Variants in SF3A1 observed in about 807,000 individuals in gnomAD.
SF3A1 encodes splicing factor 3a subunit 1.
In SF3A1, 13 loss-of-function variants were observed where a neutral mutation model predicts 89.9. The observed-to-expected ratio is 0.14, with a 90% CI of 0.09 to 0.23. The LOEUF is 0.23. Among genes scored for constraint, SF3A1 ranks in the 10% least tolerant of loss-of-function variants. SF3A1 has a pLI of 1.00. For missense variants in SF3A1, 604 were observed against 1,022.1 expected (o/e 0.59, Z 5.58); for synonymous variants, 405 against 374.4 (o/e 1.08, Z -0.94).
At position 30,345,128 on chromosome 22, in the gene SF3A1, G is replaced by A. The variant is rs773771744; in HGVS notation, c.456C>T (p.Phe152=). 7.4e-6 allele frequency: 12 copies of A among 1,614,066 alleles called. No homozygotes were observed. The highest frequency in any genetic ancestry group is 1.1e-5 in the South Asian group (1 of 91,092). Residue 152 remains phenylalanine (F), a synonymous_variant, in exon 4 of 16, where the codon TTC becomes TTT. Transcript: ENST00000215793. ...CTGAGATAGAGGGAGGATCAGCAAT[G>A]AACTCAAACTCAGGAGGAGGCTCTT... ...VPKEPPPEFE[F]IADPPSISAF... is the part of the protein sequence containing the mutation.
chr22:30,342,505 G>C, intron 5 of SF3A1, 155 bp from the exon 6 acceptor site: 1 of 821,870 alleles, frequency 1.2e-6, no homozygotes, highest in South Asian at 1.8e-5. Context: ...GTTCCACCCA[G>C]GTGCAGAGTT....
In SF3A1 at chr22:30,356,879, G is replaced by A. The variant is rs758419815; in HGVS notation, c.-87C>T. On this transcript the variant is annotated 5_prime_UTR_variant, in exon 1 of 16. Transcript: ENST00000215793. ...AGCCTCCCCGCTCGGTCAGTACGAC[G>A]AGCTCGCAAGATGGCGGCGGCCGAG... The A allele has an allele frequency of 2.5e-5, 28 of 1,133,192 alleles. No homozygotes were observed. The highest frequency in any genetic ancestry group is 2.9e-5 in the Non-Finnish European group (26 of 888,978). 70.2% of individuals were successfully genotyped at this position (1,133,192 alleles called of 1,614,324 possible).
intron 2 of SF3A1, among the ~76,000 whole-genome samples, chr22:30,348,537 A>C (rs1240112754): frequency 6.6e-6 from 1 of 152,192 alleles, no homozygotes; most frequent in African/African-American, 2.4e-5. Flanking sequence ...GGGTACAGGC[A>C]GTGCTGTGCC....
chr22:30,353,604 T>A (rs1344320735), intron 1 of SF3A1, among the ~76,000 whole-genome samples: 1 of 152,218 alleles, frequency 6.6e-6, no homozygotes, highest in Non-Finnish European at 1.5e-5. Flanking sequence ...TTTGTTCTGT[T>A]AGCTGATGTA....
At chr22:30,340,053 TG>T in intron 9 of SF3A1, 142 bp downstream of exon 9, 1 of 641,838 alleles carries the variant, frequency 1.6e-6, no homozygotes, top group Non-Finnish European at 2.4e-6. Flanking sequence ...TTCTGGAAAG[TG>T]GGGAGTTCTC....
At position 30,354,851 on chromosome 22, in the gene SF3A1, G is replaced by A. The variant is rs150932804; in HGVS notation, c.64-1779C>T. ...AGGTAGGAAGATTGCTTGAGCCCAA[G>A]AATTCAAGGCTGCAGTAAGCTATGA... On this transcript the variant is annotated intron_variant, in intron 1 of 15. Coordinates refer to ENST00000215793, the MANE Select transcript of SF3A1 (RefSeq NM_005877.6). Among the ~76,000 whole-genome samples, 32 of 152,276 alleles carry A rather than the reference G, an allele frequency of 2.1e-4. 1 individual carries two copies. The East Asian group carries it at 5.4e-3, about 26-fold the overall frequency.
chr22:30,356,664 C>T, intron 1 of SF3A1, 66 bp downstream of exon 1: 3 of 1,260,808 alleles, frequency 2.4e-6, no homozygotes, highest in Non-Finnish European at 3.2e-6. Flanking sequence ...GCCGCTTATT[C>T]CTGTGCGAGT....
Position 30,334,621 on chromosome 22 carries a change from G to C in SF3A1, c.2355C>G (p.Leu785=). The change falls in exon 16 of 16, where the codon CTC becomes CTG. Residue 785 remains leucine (L), a synonymous_variant. Coordinates refer to ENST00000215793, the MANE Select transcript of SF3A1 (RefSeq NM_005877.6). ...ACTTCTTCCTCCCGCCTCTCTCCTT[G>C]AGGGCCAGGTGGATGACTGCGCCAT... ...MANGAVIHLA[L]KERGGRKK The C allele has an allele frequency of 6.4e-7, 1 of 1,574,564 alleles. No individual in the cohort carries two copies. The highest frequency in any genetic ancestry group is 8.6e-7 in the Non-Finnish European group (1 of 1,166,000).
rs747376915 is a variant in SF3A1 at position 30,340,735 on chromosome 22, A to G, written c.1149T>C (p.Thr383=). 3.1e-6 allele frequency: 5 copies of G among 1,595,476 alleles called. No homozygotes were observed. In the Admixed American group the frequency reaches 8.5e-5, roughly 27 times the overall value. ...ETPMPPPLPP[T]PDQVIVRKDY... ...CCTTGCGGACAATGACTTGGTCTGG[A>G]GTTGGGGGCAGAGGTGGAGGCATGG... is the stretch of plus-strand genomic sequence containing the variant. The change falls in exon 8 of 16, where the codon ACT becomes ACC. Residue 383 remains threonine (T), a synonymous_variant. Coordinates refer to ENST00000215793, the MANE Select transcript of SF3A1 (RefSeq NM_005877.6).
intron 1 of SF3A1, 118 bp downstream of exon 1, chr22:30,356,612 C>A: frequency 1.3e-6 from 1 of 759,580 alleles, no homozygotes; most frequent in Non-Finnish European, 1.9e-6. Context: ...AGCGCGCAGC[C>A]TCTTGGGACT....
chr22:30,352,170 T>G (rs779611427), intron 2 of SF3A1, among the ~76,000 whole-genome samples: 9 of 144,106 alleles, frequency 6.2e-5, no homozygotes, highest in Non-Finnish European at 1.0e-4. Context: ...CAATGCCCAT[T>G]CCATCTGAGA....
At chr22:30,344,847 T>C (rs1207986078) in intron 4 of SF3A1, 86 bp downstream of exon 4, 16 of 1,485,538 alleles carry the variant, frequency 1.1e-5, no homozygotes, top group Middle Eastern at 2.2e-4. Flanking sequence ...GATGTCCTTG[T>C]AGACAGTGAG....
chr22:30,336,935 G>C, intron 13 of SF3A1, 91 bp downstream of exon 13: 1 of 1,481,224 alleles, frequency 6.8e-7, no homozygotes, highest in Non-Finnish European at 9.4e-7. Flanking sequence ...CCAAGACTGG[G>C]AGTGAAATAG....
chr22:30,355,721 C>G (rs1488581443), intron 1 of SF3A1, among the ~76,000 whole-genome samples: 1 of 151,968 alleles, frequency 6.6e-6, no homozygotes, highest in African/African-American at 2.4e-5. Context: ...TATTATCTGG[C>G]TATTACCTTA....
Position 30,356,847 on chromosome 22 carries a change from T to TCAAGACAGCCTCCC in SF3A1, c.-69_-56dup, listed in dbSNP as rs1023869863. The TCAAGACAGCCTCCC allele has an allele frequency of 7.9e-7, 1 of 1,270,890 alleles. No homozygotes were observed. Among genetic ancestry groups the TCAAGACAGCCTCCC allele is most frequent in the African/African-American group, 1.6e-5 (1 of 64,472 alleles). The allele number at this position is 1,270,890 out of a possible 1,614,324, so 78.7% of individuals were successfully genotyped here. On this transcript the variant is annotated 5_prime_UTR_variant, in exon 1 of 16. Transcript: ENST00000215793. ...CTCGGTGTCGGTGAGCGGTGCCGCC[T>TCAAGACAGCCTCCC]CAAGACAGCCTCCCCGCTCGGTCAG...
At chr22:30,346,136 C>A (rs5749071) in intron 3 of SF3A1, 176 bp downstream of exon 3, 33,305 of 601,904 alleles carry the variant, frequency 0.055, 1,247 homozygotes, top group East Asian at 0.15. Context: ...TCGGGAAATG[C>A]CAACTAACAT....
At position 30,356,881 on chromosome 22, in the gene SF3A1, G is replaced by A. The variant is rs1048216313; in HGVS notation, c.-89C>T. ...CCTCCCCGCTCGGTCAGTACGACGA[G>A]CTCGCAAGATGGCGGCGGCCGAGCG... On this transcript the variant is annotated 5_prime_UTR_variant, in exon 1 of 16. Coordinates refer to ENST00000215793, the MANE Select transcript of SF3A1 (RefSeq NM_005877.6). 15 of 1,134,484 alleles carry A rather than the reference G, an allele frequency of 1.3e-5. No homozygotes were observed. The highest frequency in any genetic ancestry group is 1.6e-5 in the African/African-American group (1 of 62,312). The allele number at this position is 1,134,484 out of a possible 1,614,324, so 70.3% of individuals were successfully genotyped here.
intron 2 of SF3A1, among the ~76,000 whole-genome samples, chr22:30,346,780 A>G (rs544039912): frequency 6.6e-6 from 1 of 152,092 alleles, no homozygotes; most frequent in African/African-American, 2.4e-5. Context: ...CCATTTCCAA[A>G]ACCATCTAGG....
intron 4 of SF3A1, among the ~76,000 whole-genome samples, chr22:30,344,477 A>G (rs1265975130): frequency 6.6e-6 from 1 of 152,246 alleles, no homozygotes; most frequent in African/African-American, 2.4e-5. Context: ...ACTAGCTGAC[A>G]GACCTTGAGT....
Sources: allele counts gnomAD v4.1 joint callset (sites outside exome capture counted in the v4.1 genomes callset), GRCh38; gene constraint gnomAD v4.1.1; transcripts MANE v1.5; gene names NCBI Gene and HGNC (gene_info 2026-07-23, HGNC 2026-07-21).